Variants in KLHL15 observed in about 807,000 individuals in gnomAD.
KLHL15 encodes the protein kelch like family member 15, also known as kelch-like protein 15.
KLHL15 carries 1 observed loss-of-function variant against 29.3 expected under a neutral mutation model. The ratio of observed to expected loss-of-function variants is 0.03; its 90% confidence interval spans 0.01 to 0.16. KLHL15 has a LOEUF of 0.16. Ranked by LOEUF, KLHL15 falls within the 10% of genes least tolerant of loss-of-function variation. The pLI is 1.00. For missense variants in KLHL15, 215 were observed against 478.5 expected (o/e 0.45, Z 5.14); for synonymous variants, 212 against 184.5 (o/e 1.15, Z -1.21).
At chrX:23,999,710 G>A (rs1197110769) in intron 3 of KLHL15, among the ~76,000 whole-genome samples, 1 of 110,976 alleles carries the variant, frequency 9.0e-6, no homozygotes, top group Non-Finnish European at 1.9e-5. Context: ...TCCTTCCTAA[G>A]GCCCTAATAG....
At chrX:24,002,532 T>C (rs1929348885) in intron 3 of KLHL15, among the ~76,000 whole-genome samples, 1 of 111,937 alleles carries the variant, frequency 8.9e-6, no homozygotes, top group Non-Finnish European at 1.9e-5. Context: ...AACCCAAGAT[T>C]TGTGCTTTCA....
chrX:24,019,706 G>A (rs1929767117), intron 2 of KLHL15, among the ~76,000 whole-genome samples: 1 of 111,202 alleles, frequency 9.0e-6, no homozygotes, highest in Admixed American at 9.7e-5. Context: ...CCTCTGCCCT[G>A]GAAGACTATT....
rs758448054 is a variant in KLHL15, at chrX:23,986,562, A to G, written c.*1359T>C. The G allele has an allele frequency of 8.9e-6, 1 of 112,205 alleles. No homozygotes were observed. Among genetic ancestry groups the G allele is most frequent in the South Asian group, 3.7e-4 (1 of 2,731 alleles). The allele number at this position is 112,205 out of a possible 1,213,427, so 9.2% of individuals were successfully genotyped here. ...GTTGAAAGGTGCAGCTAATCCTAAA[A>G]CACTTATTATAAATGCTTTTAAACA... On this transcript the variant is annotated 3_prime_UTR_variant, in exon 4 of 4. Transcript: ENST00000328046.
At chrX:24,002,690 C>T (rs990707147) in intron 3 of KLHL15, among the ~76,000 whole-genome samples, 2 of 108,491 alleles carry the variant, frequency 1.8e-5, no homozygotes, top group Admixed American at 9.9e-5. Context: ...GGCAGTGGCA[C>T]GACCGTGGCT....
intron 2 of KLHL15, among the ~76,000 whole-genome samples, chrX:24,021,357 G>A (rs1190749375): frequency 1.8e-5 from 2 of 111,310 alleles, no homozygotes; most frequent in Non-Finnish European, 3.8e-5. Context: ...GGTCTTTGGT[G>A]TCATTTCAGT....
intron 3 of KLHL15, among the ~76,000 whole-genome samples, chrX:23,994,164 G>A (rs1929141667): frequency 8.9e-6 from 1 of 111,991 alleles, no homozygotes; most frequent in South Asian, 3.7e-4. Context: ...CTGACAAAGT[G>A]GACCACATCT....
At chrX:24,023,209 G>A (rs961897109) in intron 2 of KLHL15, among the ~76,000 whole-genome samples, 7 of 111,556 alleles carry the variant, frequency 6.3e-5, no homozygotes, top group African/African-American at 2.0e-4. Context: ...AGCCTGCCCT[G>A]ATCAAGGTTA....
rs891975809 is a variant in KLHL15 at position 24,006,262 on chromosome X, G to A, written c.432C>T (p.Gly144=). ...AEIMRLLDDF[G]VNIEGVREKL... The stretch of plus-strand genomic sequence containing the variant: ...TCTCCCTGACTCCCTCGATGTTTAC[G>A]CCGAAATCATCTAAGAGTCTCATAA... The change falls in exon 3 of 4, where the codon GGC becomes GGT. Residue 144 remains glycine, a synonymous_variant. Transcript: ENST00000328046. 18 of 1,209,621 alleles carry A rather than the reference G, an allele frequency of 1.5e-5. No homozygotes were observed. The highest frequency in any genetic ancestry group is 2.3e-4 in the Middle Eastern group (1 of 4,373).
intron 1 of KLHL15, among the ~76,000 whole-genome samples, chrX:24,026,640 A>AT (rs1203053229): frequency 9.8e-6 from 1 of 102,465 alleles, no homozygotes; most frequent in Non-Finnish European, 1.9e-5. Context: ...GGTGTCGCTA[A>AT]AAGCGATAAT....
chrX:23,987,945 C>G lies in KLHL15; in HGVS notation c.1791G>C (p.Leu597=). ...VCNLHFPDYV[L]DEVRRCN Reference sequence around the variant, plus strand: ...ATTAGTTGCAACGCCTGACCTCATCCAGTACATAGTCCGGAAAATGCAGGT... The same window carrying G: ...ATTAGTTGCAACGCCTGACCTCATCGAGTACATAGTCCGGAAAATGCAGGT... Residue 597 remains leucine, a synonymous_variant, in exon 4 of 4, where the codon CTG becomes CTC. Coordinates refer to ENST00000328046, the MANE Select transcript of KLHL15 (RefSeq NM_030624.3). 8.3e-7 allele frequency: 1 copy of G among 1,207,815 alleles called. No homozygotes were observed. The highest frequency in any genetic ancestry group is 1.7e-5 in the African/African-American group (1 of 57,677).
intron 2 of KLHL15, among the ~76,000 whole-genome samples, chrX:24,012,269 A>T (rs867545437): frequency 6.2e-5 from 7 of 112,540 alleles, no homozygotes; most frequent in Non-Finnish European, 9.4e-5. Flanking sequence ...TACTGCTTTT[A>T]AAAAAGTTTA....
intron 3 of KLHL15, among the ~76,000 whole-genome samples, chrX:23,994,423 T>C (rs2147098393): frequency 8.9e-6 from 1 of 112,572 alleles, no homozygotes; most frequent in East Asian, 2.8e-4. Flanking sequence ...AAGACATTGG[T>C]TGGATACACT....
At chrX:24,017,692 G>A (rs1386219677) in intron 2 of KLHL15, among the ~76,000 whole-genome samples, 5 of 100,678 alleles carry the variant, frequency 5.0e-5, no homozygotes, top group Non-Finnish European at 9.8e-5. Context: ...GAGGTCAGAG[G>A]ATAAACTGAG....
At chrX:24,022,036 G>A (rs1436268087) in intron 2 of KLHL15, among the ~76,000 whole-genome samples, 2 of 111,400 alleles carry the variant, frequency 1.8e-5, no homozygotes, top group African/African-American at 6.5e-5. Context: ...AGGGAAAAAT[G>A]TTGTTAAAAG....
intron 2 of KLHL15, among the ~76,000 whole-genome samples, chrX:24,012,163 A>G (rs1228389886): frequency 8.9e-6 from 1 of 112,577 alleles, no homozygotes; most frequent in African/African-American, 3.2e-5. Context: ...TCAAAAAAAT[A>G]AAAAATAAAA....
chrX:23,995,982 C>G (rs777885140), intron 3 of KLHL15, among the ~76,000 whole-genome samples: 7 of 109,930 alleles, frequency 6.4e-5, no homozygotes, highest in Non-Finnish European at 1.1e-4. Context: ...CTCCTAACCT[C>G]AGGTGATCTG....
chrX:24,021,343 T>C (rs1929799930), intron 2 of KLHL15, among the ~76,000 whole-genome samples: 1 of 111,536 alleles, frequency 9.0e-6, no homozygotes, highest in South Asian at 3.7e-4. Flanking sequence ...TATGGTTCCC[T>C]TAGGGTCTTT....
At chrX:23,995,652 C>T (rs1929172878) in intron 3 of KLHL15, among the ~76,000 whole-genome samples, 1 of 111,015 alleles carries the variant, frequency 9.0e-6, no homozygotes, top group African/African-American at 3.3e-5. Context: ...GTCTTGAACT[C>T]GTGACATCAT....
chrX:24,023,596 T>C (rs1024155054), intron 2 of KLHL15, among the ~76,000 whole-genome samples: 3 of 111,977 alleles, frequency 2.7e-5, no homozygotes, highest in Non-Finnish European at 3.8e-5. Context: ...CAAGTAAAAA[T>C]GATCAATACT....
Sources: gnomAD v4.1 joint callset for allele counts (sites outside exome capture counted in the v4.1 genomes callset) on GRCh38, gnomAD v4.1.1 for gene constraint, MANE v1.5 for transcripts, NCBI Gene and HGNC (gene_info 2026-07-23, HGNC 2026-07-21) for gene names.